Variants in FAM8A1 observed in about 807,000 individuals in gnomAD.
FAM8A1 encodes the protein protein FAM8A1.
Under a neutral mutation model 38.3 loss-of-function variants are expected in FAM8A1, and 18 were observed. The observed-to-expected ratio is 0.47, with a 90% CI of 0.33 to 0.70. The LOEUF is 0.70. Among genes scored for constraint, FAM8A1 ranks in the 30% least tolerant of loss-of-function variants. FAM8A1 has a pLI of 0.03. For synonymous variants in FAM8A1, 246 were observed against 234.4 expected (o/e 1.05, Z -0.45); for missense variants, 559 against 559.6 (o/e 1.00, Z 0.01).
rs958125523 is a variant in FAM8A1 at position 17,610,634 on chromosome 6, G to C, written c.*2295G>C. The C allele has an allele frequency of 2.4e-4, 37 of 152,088 alleles. No individual in the cohort carries two copies. Among genetic ancestry groups the C allele is most frequent in the African/African-American group, 8.7e-4 (36 of 41,432 alleles). The allele number at this position is 152,088 out of a possible 1,614,324, so 9.4% of individuals were successfully genotyped here. A position where few individuals can be genotyped will look rare whatever the true frequency, so the allele number is the denominator to read the frequency against. ...TTGTAAGGTAGTCTCCTGCTTTCCAGAACACTTTATTATATTTCACTTATA... is the reference window on the plus strand; with the variant it reads ...TTGTAAGGTAGTCTCCTGCTTTCCACAACACTTTATTATATTTCACTTATA... On this transcript the variant is annotated 3_prime_UTR_variant, in exon 5 of 5. Transcript: ENST00000259963.
At chr6:17,606,861 G>A (rs552515031) in intron 4 of FAM8A1, among the ~76,000 whole-genome samples, 6 of 152,262 alleles carry the variant, frequency 3.9e-5, no homozygotes. Flanking sequence ...CAAGGTATTG[G>A]CTGCAATTTT....
In FAM8A1 at chr6:17,600,562, C is replaced by T; in HGVS notation, c.153C>T (p.Gly51=). Residue 51 remains glycine (G), a synonymous_variant, in exon 1 of 5, where the codon GGC becomes GGT. Coordinates refer to ENST00000259963, the MANE Select transcript of FAM8A1 (RefSeq NM_016255.3). ...CCCAGGCCGAACCCCAGGCCCCGGG[C>T]CGGCCCACAGCCCCGGGCCTCGCGG... ...DDPQAEPQAP[G]RPTAPGLAAA... 1 of 1,500,830 alleles carries T rather than the reference C, an allele frequency of 6.7e-7. No homozygotes were observed. Among genetic ancestry groups the T allele is most frequent in the Non-Finnish European group, 8.9e-7 (1 of 1,128,918 alleles). 93.0% of individuals were successfully genotyped at this position (1,500,830 alleles called of 1,614,324 possible). A position where few individuals can be genotyped will look rare whatever the true frequency, so the allele number is the denominator to read the frequency against.
At chr6:17,602,159 T>G (rs569138039) in intron 1 of FAM8A1, among the ~76,000 whole-genome samples, 36 of 152,318 alleles carry the variant, frequency 2.4e-4, no homozygotes, top group African/African-American at 7.7e-4. Flanking sequence ...GCTTCCCTAG[T>G]AGCTGGGACT....
rs1326886189 is a variant in FAM8A1 at position 17,610,076 on chromosome 6, G to GA, written c.*1744dup. The stretch of plus-strand genomic sequence containing the variant: ...AGATTGTGTTACTGCCCTTCACAGT[G>GA]AAAAAAAGAAAAATCTTTCATTTTT... On this transcript the variant is annotated 3_prime_UTR_variant, in exon 5 of 5. Coordinates refer to ENST00000259963, the MANE Select transcript of FAM8A1 (RefSeq NM_016255.3). 2.0e-5 allele frequency: 3 copies of GA among 151,866 alleles called. No individual in the cohort carries two copies. The highest frequency in any genetic ancestry group is 4.4e-5 in the Non-Finnish European group (3 of 67,912). 9.4% of individuals were successfully genotyped at this position (151,866 alleles called of 1,614,324 possible). A position where few individuals can be genotyped will look rare whatever the true frequency, so the allele number is the denominator to read the frequency against.
Position 17,600,725 on chromosome 6 carries a change from G to C in FAM8A1, c.316G>C (p.Ala106Pro), listed in dbSNP as rs780228257. 6.4e-7 allele frequency: 1 copy of C among 1,572,986 alleles called. No individual in the cohort carries two copies. The highest frequency in any genetic ancestry group is 8.6e-7 in the Non-Finnish European group (1 of 1,161,124). Residue 106 changes from alanine (A) to proline (P), a missense_variant, in exon 1 of 5, where the codon GCT becomes CCT. Ala to Pro is a conservative substitution (Grantham distance 27). Coordinates refer to ENST00000259963, the MANE Select transcript of FAM8A1 (RefSeq NM_016255.3). ...AGCCGCGGCGCCACGAGAGAGACCA[G>C]CTCGGCTGAGCGCCCGCGAGTACTC... The part of the protein sequence containing the change: ...PEAAAPRERP[A>P]RLSAREYSRQ...
intron 4 of FAM8A1, 33 bp downstream of exon 4, chr6:17,606,046 A>G (rs750626887): frequency 1.4e-6 from 2 of 1,449,624 alleles, no homozygotes; most frequent in East Asian, 2.4e-5. Context: ...TCTACTACAT[A>G]CTTAATGAAA....
chr6:17,603,174 C>T (rs1476785980), intron 2 of FAM8A1, among the ~76,000 whole-genome samples: 3 of 152,204 alleles, frequency 2.0e-5, no homozygotes, highest in Non-Finnish European at 4.4e-5. Flanking sequence ...CAAAGTGAGA[C>T]GTTTATTTGA....
At chr6:17,602,979 T>G (rs2113745123) in intron 2 of FAM8A1, among the ~76,000 whole-genome samples, 1 of 152,352 alleles carries the variant, frequency 6.6e-6, no homozygotes, top group South Asian at 2.1e-4. Context: ...CCTGCTTTGA[T>G]TTTATTCACC....
chr6:17,606,096 T>A, intron 4 of FAM8A1, 83 bp downstream of exon 4: 1 of 1,004,044 alleles, frequency 1.0e-6, no homozygotes, highest in Non-Finnish European at 1.4e-6. Context: ...TTCTTCATAG[T>A]AGATAGGCTT....
Position 17,605,895 on chromosome 6 carries a change from G to A in FAM8A1, c.979G>A (p.Gly327Ser). The A allele has an allele frequency of 1.3e-6, 2 of 1,543,270 alleles. No homozygotes were observed. The highest frequency in any genetic ancestry group is 1.8e-6 in the Non-Finnish European group (2 of 1,135,804). Residue 327 changes from glycine to serine, a missense_variant, in exon 4 of 5, where the codon GGT becomes AGT. By Grantham distance (56) the Gly-to-Ser change is moderately conservative (BLOSUM62 0). This residue lies in a region of FAM8A1 where 166 missense variants were observed against 220.8 expected (regional missense o/e 0.75). Transcript: ENST00000259963. ...TTAGATAATTTGCATTTGGGGAGCA[G>A]GTGGAGCTACCCCAGGGAAGTTCCT... ...FYEIICIWGAGGATPGKFLLG... is the reference protein window; with the variant it reads ...FYEIICIWGASGATPGKFLLG...
chr6:17,605,778 A>C, intron 3 of FAM8A1, 96 bp from the exon 4 acceptor site: 1 of 1,291,488 alleles, frequency 7.7e-7, no homozygotes, highest in Non-Finnish European at 1.0e-6. Flanking sequence ...TTTCAACTTG[A>C]AAAATTTAAA....
intron 3 of FAM8A1, among the ~76,000 whole-genome samples, chr6:17,605,540 T>C (rs1344501601): frequency 6.6e-6 from 1 of 152,248 alleles, no homozygotes; most frequent in African/African-American, 2.4e-5. Context: ...AATTTCTTTG[T>C]AATATTTTTC....
Position 17,604,965 on chromosome 6 carries a change from T to C in FAM8A1, c.893T>C (p.Met298Thr). Reference sequence around the variant, plus strand: ...GAAGAAATAGATGAAGACACATCAATGGAAGACTTGCAGAAAATGATGGTT... The same window carrying C: ...GAAGAAATAGATGAAGACACATCAACGGAAGACTTGCAGAAAATGATGGTT... Reference protein sequence around the residue: ...IIEEIDEDTSMEDLQKMMVVA... With the variant: ...IIEEIDEDTSTEDLQKMMVVA... Residue 298 changes from methionine to threonine, a missense_variant, in exon 3 of 5, where the codon ATG (methionine) becomes ACG (threonine). Physicochemically the swap from Met to Thr is moderately conservative, Grantham distance 81. This residue lies in a region of FAM8A1 where 166 missense variants were observed against 220.8 expected (regional missense o/e 0.75). Transcript: ENST00000259963. 1 of 1,610,346 alleles carries C rather than the reference T, an allele frequency of 6.2e-7. No homozygotes were observed. The highest frequency in any genetic ancestry group is 1.1e-5 in the South Asian group (1 of 90,792).
chr6:17,608,328 G>C lies in FAM8A1; in HGVS notation c.1231G>C (p.Gly411Arg). Residue 411 changes from glycine to arginine, a missense_variant, in exon 5 of 5, where the codon GGG becomes CGG. Gly to Arg is a moderately radical substitution (Grantham distance 125, BLOSUM62 -2). Transcript: ENST00000259963. Reference sequence around the variant, plus strand: ...AGGAACCATTGTGGTAAAAAGAAATGGGGTCAGATGATGCCCCCCAAAACC... The same window carrying C: ...AGGAACCATTGTGGTAAAAAGAAATCGGGTCAGATGATGCCCCCCAAAACC... ...VAGTIVVKRN[G>R]VR 3 of 1,610,968 alleles carry C rather than the reference G, an allele frequency of 1.9e-6. No individual in the cohort carries two copies. The highest frequency in any genetic ancestry group is 1.7e-5 in the Admixed American group (1 of 59,864).
intron 1 of FAM8A1, among the ~76,000 whole-genome samples, chr6:17,602,388 A>G (rs1763996650): frequency 6.6e-6 from 1 of 152,122 alleles, no homozygotes. Context: ...CTTTAAGCTC[A>G]GTAAATAGTG....
intron 4 of FAM8A1, among the ~76,000 whole-genome samples, 187 bp downstream of exon 4, chr6:17,606,200 T>C (rs1474937163): frequency 1.3e-5 from 2 of 149,084 alleles, no homozygotes; most frequent in Non-Finnish European, 3.0e-5. Flanking sequence ...CAAGATGATT[T>C]TTTTTTTTTT....
rs1331547903 is a variant in FAM8A1, at chr6:17,605,725, G to GT, written c.958-149_958-148insT. The GT allele has an allele frequency of 9.2e-6, 6 of 653,110 alleles. No individual in the cohort carries two copies. In the East Asian group the frequency reaches 1.5e-4, roughly 17 times the overall value. 40.5% of individuals were successfully genotyped at this position (653,110 alleles called of 1,614,324 possible). ...GGACATGTTAGAGACCTACAGAAATGCATAAAGTTAAATGGTTAACTTTTG... is the reference window on the plus strand; with the variant it reads ...GGACATGTTAGAGACCTACAGAAATGTCATAAAGTTAAATGGTTAACTTTTG... On this transcript the variant is annotated intron_variant, in intron 3 of 4. Coordinates refer to ENST00000259963, the MANE Select transcript of FAM8A1 (RefSeq NM_016255.3).
At position 17,608,516 on chromosome 6, in the gene FAM8A1, A is replaced by G; in HGVS notation, c.*177A>G. On this transcript the variant is annotated 3_prime_UTR_variant, in exon 5 of 5. Coordinates refer to ENST00000259963, the MANE Select transcript of FAM8A1 (RefSeq NM_016255.3). ...GAATGCCAAAGAACTTGTCCAGAAG[A>G]AAAACCTGTTAAATTCAAGTATTAA... 8.9e-6 allele frequency: 5 copies of G among 563,730 alleles called. No homozygotes were observed. Among genetic ancestry groups the G allele is most frequent in the Non-Finnish European group, 1.1e-5 (4 of 366,984 alleles). 34.9% of individuals were successfully genotyped at this position (563,730 alleles called of 1,614,324 possible). A position where few individuals can be genotyped will look rare whatever the true frequency, so the allele number is the denominator to read the frequency against.
In FAM8A1 at chr6:17,605,751, A is replaced by C. The variant is rs937592999; in HGVS notation, c.958-123A>C. 24 of 900,358 alleles carry C rather than the reference A, an allele frequency of 2.7e-5. No individual in the cohort carries two copies. The African/African-American group carries it at 3.7e-4, about 14-fold the overall frequency. 55.8% of individuals were successfully genotyped at this position (900,358 alleles called of 1,614,324 possible). A position where few individuals can be genotyped will look rare whatever the true frequency, so the allele number is the denominator to read the frequency against. ...CATAAAGTTAAATGGTTAACTTTTG[A>C]GTATTCTATGCAATTCTTTCAACTT... is the stretch of plus-strand genomic sequence containing the variant. On this transcript the variant is annotated intron_variant, in intron 3 of 4. Coordinates refer to ENST00000259963, the MANE Select transcript of FAM8A1 (RefSeq NM_016255.3).
Sources: gnomAD v4.1 joint callset for allele counts (sites outside exome capture counted in the v4.1 genomes callset) on GRCh38, gnomAD v4.1.1 for gene constraint, gnomAD v4.1.1 regional missense constraint, MANE v1.5 for transcripts, NCBI Gene and HGNC (gene_info 2026-07-23, HGNC 2026-07-21) for gene names.